The following PCBP3 variants were observed in gnomAD, a reference collection of about 807,000 sequenced individuals.
PCBP3 encodes the protein poly(rC)-binding protein 3.
A neutral mutation model predicts 52.7 loss-of-function variants in PCBP3; 25 were observed. The observed-to-expected ratio is 0.47, with a 90% confidence interval of 0.35 to 0.66. PCBP3 has a LOEUF of 0.66. Ranked by LOEUF, PCBP3 falls within the 30% of genes least tolerant of loss-of-function variation. PCBP3 has a pLI of 0.01. For missense variants in PCBP3, 391 were observed against 490.3 expected (o/e 0.80, Z 1.91); for synonymous variants, 162 against 183.0 (o/e 0.89, Z 0.93).
chr21:45,922,066 T>C (rs1182515343), intron 13 of PCBP3, among the ~76,000 whole-genome samples: 1 of 152,010 alleles, frequency 6.6e-6, no homozygotes, highest in Non-Finnish European at 1.5e-5. Flanking sequence ...CCTGCCTGGG[T>C]CAGACCAAGT....
At chr21:45,937,330 C>T (rs575101820) in intron 16 of PCBP3, among the ~76,000 whole-genome samples, 2 of 152,328 alleles carry the variant, frequency 1.3e-5, no homozygotes, top group South Asian at 4.1e-4. Context: ...CTGTGGGCCT[C>T]CCTCACCACC....
chr21:45,936,674 C>T lies in PCBP3; in HGVS notation c.909+1369C>T, dbSNP rs191733525. ...CAGGTAGTAAAGCCACCAGGCTTTTCCTGTGGGGTTTTCCTTCTTTGGTGA... is the reference window on the plus strand; with the variant it reads ...CAGGTAGTAAAGCCACCAGGCTTTTTCTGTGGGGTTTTCCTTCTTTGGTGA... On this transcript the variant is annotated intron_variant, in intron 16 of 17. Transcript: ENST00000681687. 3.7e-4 allele frequency among the ~76,000 whole-genome samples: 56 copies of T among 152,344 alleles called. No individual in the cohort carries two copies. The East Asian group carries it at 9.3e-3, about 25-fold the overall frequency.
In PCBP3 at chr21:45,928,686, A is replaced by C. The variant is rs1200467364; in HGVS notation, c.718-1231A>C. 3.3e-5 allele frequency among the ~76,000 whole-genome samples: 5 copies of C among 151,050 alleles called. No homozygotes were observed. Among genetic ancestry groups the C allele is most frequent in the Non-Finnish European group, 7.4e-5 (5 of 67,744 alleles). ...TGGCAGCTCTGCTCCGAGCGCCCAC[A>C]CCCCCCAGCATTGGTGGCCTCTGTG... On this transcript the variant is annotated intron_variant, in intron 13 of 17. Coordinates refer to ENST00000681687, the MANE Select transcript of PCBP3 (RefSeq NM_001384156.1). The surrounding 1 kb of genome is among the most constrained non-coding windows in gnomAD (Gnocchi z 4.1).
chr21:45,907,826 T>G (rs2096246369), intron 9 of PCBP3, among the ~76,000 whole-genome samples: 2 of 142,340 alleles, frequency 1.4e-5, no homozygotes. Flanking sequence ...AGAGGTAGAG[T>G]CGATGGAGGA....
chr21:45,673,396 CAAG>C (rs2081287240), intron 2 of PCBP3, among the ~76,000 whole-genome samples: 1 of 151,640 alleles, frequency 6.6e-6, no homozygotes, highest in Non-Finnish European at 1.5e-5. Context: ...TGATTTCTTA[CAAG>C]AAGAAAAAAT....
chr21:45,799,400 C>T (rs1002081266), intron 4 of PCBP3, among the ~76,000 whole-genome samples: 1 of 151,940 alleles, frequency 6.6e-6, no homozygotes, highest in Non-Finnish European at 1.5e-5. Context: ...ATTTACATAA[C>T]TTTTATTATG....
intron 4 of PCBP3, among the ~76,000 whole-genome samples, chr21:45,843,222 G>T (rs2093735140): frequency 6.9e-6 from 1 of 145,730 alleles, no homozygotes; most frequent in South Asian, 2.1e-4. Context: ...GGAAGAATAG[G>T]GAGAGAGGTG....
intron 4 of PCBP3, among the ~76,000 whole-genome samples, chr21:45,808,462 A>G (rs2092581949): frequency 6.6e-6 from 1 of 152,266 alleles, no homozygotes; most frequent in Admixed American, 6.5e-5. Flanking sequence ...TGGTCATTAG[A>G]GAAATGCATA....
chr21:45,934,457 T>G (rs890952020), intron 15 of PCBP3, among the ~76,000 whole-genome samples: 2 of 152,208 alleles, frequency 1.3e-5, no homozygotes, highest in East Asian at 1.9e-4. Flanking sequence ...AGTGGAGATT[T>G]GTAAATATAA....
chr21:45,908,687 C>T (rs916926331), intron 9 of PCBP3, among the ~76,000 whole-genome samples: 8 of 152,186 alleles, frequency 5.3e-5, no homozygotes, highest in East Asian at 1.9e-4. Context: ...CAGCGAGCTC[C>T]GGGCCACAGC....
At chr21:45,930,427 A>G (rs2076031888) in intron 14 of PCBP3, among the ~76,000 whole-genome samples, 1 of 152,162 alleles carries the variant, frequency 6.6e-6, no homozygotes, top group Non-Finnish European at 1.5e-5. Flanking sequence ...TGCGTATCCC[A>G]AGGTGGCACC....
At chr21:45,795,666 T>G (rs1251784411) in intron 4 of PCBP3, among the ~76,000 whole-genome samples, 1 of 152,144 alleles carries the variant, frequency 6.6e-6, no homozygotes, top group Non-Finnish European at 1.5e-5. Flanking sequence ...ACTGGCCATA[T>G]GACTCTAAAG....
chr21:45,930,875 A>G (rs202219189), intron 15 of PCBP3, 30 bp downstream of exon 15: 14 of 1,612,102 alleles, frequency 8.7e-6, no homozygotes, highest in Non-Finnish European at 8.5e-6. Context: ...ACAGGAGAAC[A>G]GGCCAGGGCA....
chr21:45,801,309 T>A (rs1344233312), intron 4 of PCBP3, among the ~76,000 whole-genome samples: 2 of 152,172 alleles, frequency 1.3e-5, no homozygotes, highest in African/African-American at 4.8e-5. Context: ...CGGTGGCCAG[T>A]CTGTCTGAGT....
In PCBP3 at chr21:45,829,592, A is replaced by G. The variant is rs899653828; in HGVS notation, c.-125-20369A>G. 1 of 152,254 alleles carries G rather than the reference A, an allele frequency of 6.6e-6. No homozygotes were observed. Among genetic ancestry groups the G allele is most frequent in the South Asian group, 2.1e-4 (1 of 4,828 alleles). The allele number at this position is 152,254 out of a possible 1,614,324, so 9.4% of individuals were successfully genotyped here. On this transcript the variant is annotated intron_variant, in intron 4 of 17. Coordinates refer to ENST00000681687, the MANE Select transcript of PCBP3 (RefSeq NM_001384156.1). The surrounding 1 kb of genome is among the most constrained non-coding windows in gnomAD (Gnocchi z 5.2). ...ACTCGTAAGAAGCCAAGCCACAGGAAGCTACTTTCCTTGTGCAAATCCTGG... is the reference window on the plus strand; with the variant it reads ...ACTCGTAAGAAGCCAAGCCACAGGAGGCTACTTTCCTTGTGCAAATCCTGG...
chr21:45,852,784 G>A (rs979230061), intron 5 of PCBP3, among the ~76,000 whole-genome samples: 3 of 151,006 alleles, frequency 2.0e-5, no homozygotes, highest in Non-Finnish European at 3.0e-5. Flanking sequence ...TGTAAACACC[G>A]TGACTTGTCT....
intron 2 of PCBP3, among the ~76,000 whole-genome samples, chr21:45,693,582 G>T (rs1166896684): frequency 6.6e-6 from 1 of 152,002 alleles, no homozygotes; most frequent in Non-Finnish European, 1.5e-5. Flanking sequence ...TAAATTTGAT[G>T]AGAACAAATA....
intron 2 of PCBP3, among the ~76,000 whole-genome samples, chr21:45,719,594 C>T (rs1005104030): frequency 4.6e-5 from 7 of 152,034 alleles, no homozygotes; most frequent in African/African-American, 9.7e-5. Context: ...GTGAGTCTCA[C>T]GAGATCTGAT....
intron 4 of PCBP3, among the ~76,000 whole-genome samples, chr21:45,801,052 A>G (rs987373282): frequency 6.6e-6 from 1 of 151,780 alleles, no homozygotes; most frequent in Non-Finnish European, 1.5e-5. Flanking sequence ...CCACTCTCCA[A>G]CTCTGGCAAT....
Sources: gnomAD v4.1 joint callset for allele counts (sites outside exome capture counted in the v4.1 genomes callset) on GRCh38, gnomAD v4.1.1 for gene constraint, Gnocchi (gnomAD v3.1) non-coding constraint, MANE v1.5 for transcripts, NCBI Gene and HGNC (gene_info 2026-07-23, HGNC 2026-07-21) for gene names.